Variants in ACSS3 observed in about 807,000 individuals in gnomAD.
The protein encoded by ACSS3 is acyl-CoA synthetase short-chain family member 3, mitochondrial.
ACSS3 carries 64 observed loss-of-function variants against 84.2 expected under a neutral mutation model. The observed-to-expected ratio is 0.76, with a 90% CI of 0.62 to 0.94. The LOEUF is 0.94. ACSS3 is among the 40% of genes least tolerant of loss of function. The probability of loss-of-function intolerance (pLI) is 0.00; values close to 1 mark genes in which losing one functional copy is unlikely to be tolerated. For missense variants in ACSS3, 815 were observed against 867.6 expected, an observed-to-expected ratio of 0.94 and a Z score of 0.76; for synonymous variants, 317 against 310.1, an observed-to-expected ratio of 1.02 and a Z score of -0.23.
rs1054552519 is a variant in ACSS3 at position 81,224,538 on chromosome 12, A to C, written c.1514+4462A>C. 1.4e-4 allele frequency among the ~76,000 whole-genome samples: 21 copies of C among 145,450 alleles called. No individual in the cohort carries two copies. In the Admixed American group the frequency reaches 1.5e-3, roughly 10 times the overall value. ...ATCACATGTTTACATATATATATGCATATACATACATACATATATATATAC... is the reference window on the plus strand; with the variant it reads ...ATCACATGTTTACATATATATATGCCTATACATACATACATATATATATAC... On this transcript the variant is annotated intron_variant, in intron 11 of 15. Coordinates refer to ENST00000548058, the MANE Select transcript of ACSS3 (RefSeq NM_024560.4).
intron 5 of ACSS3, among the ~76,000 whole-genome samples, chr12:81,145,925 A>G (rs1886318612): frequency 6.6e-6 from 1 of 152,214 alleles, no homozygotes; most frequent in South Asian, 2.1e-4. Context: ...TAACACATAC[A>G]GAATGGCAAA....
At chr12:81,254,710 T>A in intron 15 of ACSS3, 147 bp from the exon 16 acceptor site, 1 of 557,040 alleles carries the variant, frequency 1.8e-6, no homozygotes, top group East Asian at 3.2e-5. Context: ...TATTAATATA[T>A]TAGGTTCAAA....
Position 81,253,379 on chromosome 12 carries a change from C to T in ACSS3, c.1792C>T (p.Pro598Ser). Residue 598 changes from proline to serine, a missense_variant, in exon 14 of 16, where the codon CCC becomes TCC. Transcript: ENST00000548058. The stretch of plus-strand genomic sequence containing the variant: ...GGAAGATCCCTTAAAAGGTCATGTC[C>T]CCTTAGCACTCTGTGTATTGAGAAA... ...GKEDPLKGHV[P>S]LALCVLRKDI... The T allele has an allele frequency of 6.2e-7, 1 of 1,613,892 alleles. No individual in the cohort carries two copies. The highest frequency in any genetic ancestry group is 8.5e-7 in the Non-Finnish European group (1 of 1,179,874).
intron 2 of ACSS3, among the ~76,000 whole-genome samples, chr12:81,134,141 G>A (rs1487210117): frequency 1.3e-5 from 2 of 151,612 alleles, no homozygotes; most frequent in African/African-American, 4.9e-5. Context: ...AATAATTAGT[G>A]TAAAAAAAAA....
At chr12:81,135,273 TATATA>T (rs988764159) in intron 3 of ACSS3, among the ~76,000 whole-genome samples, 1 of 135,262 alleles carries the variant, frequency 7.4e-6, no homozygotes, top group African/African-American at 3.1e-5. Context: ...AAATGTGATA[TATATA>T]ATATATTATA....
At chr12:81,212,642 A>G (rs1175873329) in intron 9 of ACSS3, among the ~76,000 whole-genome samples, 1 of 152,196 alleles carries the variant, frequency 6.6e-6, no homozygotes, top group African/African-American at 2.4e-5. Context: ...GAATAAATGC[A>G]ATTATATAGA....
chr12:81,120,505 G>A (rs566824655), intron 2 of ACSS3, among the ~76,000 whole-genome samples: 1 of 152,202 alleles, frequency 6.6e-6, no homozygotes, highest in South Asian at 2.1e-4. Flanking sequence ...AACAAGTAGA[G>A]GATAAAGCTA....
At chr12:81,207,717 T>G (rs1439945315) in intron 9 of ACSS3, among the ~76,000 whole-genome samples, 1 of 152,134 alleles carries the variant, frequency 6.6e-6, no homozygotes, top group Non-Finnish European at 1.5e-5. Flanking sequence ...AGATTTTACT[T>G]TCCTTGAGTC....
intron 7 of ACSS3, chr12:81,174,560 A>G: frequency 2.7e-6 from 1 of 374,976 alleles, no homozygotes; most frequent in Non-Finnish European, 4.7e-6. Flanking sequence ...GATGAAGAAA[A>G]AATTGTAATT....
intron 4 of ACSS3, among the ~76,000 whole-genome samples, chr12:81,139,652 T>TTTG (rs1885990719): frequency 6.7e-6 from 1 of 149,014 alleles, no homozygotes; most frequent in Non-Finnish European, 1.5e-5. Flanking sequence ...GTTATTTTTT[T>TTTG]TTGAGACAGA....
intron 9 of ACSS3, among the ~76,000 whole-genome samples, chr12:81,211,344 C>A (rs1024147525): frequency 6.6e-6 from 1 of 152,090 alleles, no homozygotes; most frequent in Non-Finnish European, 1.5e-5. Context: ...GATATACAGG[C>A]ATGCAGTACG....
At chr12:81,184,132 G>A (rs1326288820) in intron 8 of ACSS3, among the ~76,000 whole-genome samples, 2 of 151,900 alleles carry the variant, frequency 1.3e-5, no homozygotes, top group African/African-American at 4.8e-5. Flanking sequence ...GTTAATAACT[G>A]GAGTAATCTT....
rs182661177 is a variant in ACSS3, at chr12:81,194,523, A to C, written c.1251-4818A>C. ...TCTCACAATTTTTCCTTTGCATTCA[A>C]TAAATAGTAAAGTGATTTTAATGGA... On this transcript the variant is annotated intron_variant, in intron 8 of 15. Transcript: ENST00000548058. Among the ~76,000 whole-genome samples the C allele has an allele frequency of 2.3e-3, 353 of 152,090 alleles. 1 individual carries two copies. Among genetic ancestry groups the C allele is most frequent in the African/African-American group, 7.9e-3 (330 of 41,564 alleles).
chr12:81,136,258 G>A (rs543826764), intron 3 of ACSS3, among the ~76,000 whole-genome samples: 1 of 152,222 alleles, frequency 6.6e-6, no homozygotes, highest in Non-Finnish European at 1.5e-5. Context: ...TAGTGCAGGA[G>A]TTAGAAAAAT....
intron 2 of ACSS3, among the ~76,000 whole-genome samples, chr12:81,129,333 GA>G (rs71098122): frequency 0.38 from 56,954 of 151,634 alleles, 11,205 homozygotes; most frequent in Admixed American, 0.5. Context: ...AACTCAGAAT[GA>G]AAAAAAATGC....
Position 81,259,501 on chromosome 12 carries a change from T to C in ACSS3, c.*4579T>C. 1.3e-6 allele frequency: 1 copy of C among 779,582 alleles called. No homozygotes were observed. The highest frequency in any genetic ancestry group is 2.1e-6 in the Non-Finnish European group (1 of 474,060). 48.3% of individuals were successfully genotyped at this position (779,582 alleles called of 1,614,324 possible). A position where few individuals can be genotyped will look rare whatever the true frequency, so the allele number is the denominator to read the frequency against. On this transcript the variant is annotated 3_prime_UTR_variant, in exon 16 of 16. Coordinates refer to ENST00000548058, the MANE Select transcript of ACSS3 (RefSeq NM_024560.4). ...TTTATTACAATTTGTAGTAAACTAATCAAATGTAATATCTGACTCCCCCCA... is the reference window on the plus strand; with the variant it reads ...TTTATTACAATTTGTAGTAAACTAACCAAATGTAATATCTGACTCCCCCCA...
chr12:81,179,289 AGAAAAAG>A (rs2030737233), intron 8 of ACSS3, among the ~76,000 whole-genome samples: 7 of 135,772 alleles, frequency 5.2e-5, no homozygotes, highest in African/African-American at 7.9e-5. Context: ...AAAAAAAAAA[AGAAAAAG>A]AAAAAAAAAA....
At chr12:81,092,351 C>T (rs1293122532) in intron 1 of ACSS3, among the ~76,000 whole-genome samples, 2 of 152,010 alleles carry the variant, frequency 1.3e-5, no homozygotes, top group Non-Finnish European at 2.9e-5. Context: ...AGTAAAATAG[C>T]ATTCGTTTTC....
chr12:81,157,045 A>C (rs1435963), intron 7 of ACSS3, among the ~76,000 whole-genome samples: 31,228 of 152,074 alleles, frequency 0.21, 3,499 homozygotes, highest in East Asian at 0.4. Flanking sequence ...GACAAAAAAA[A>C]ATACTACAAA....
Sources: allele counts gnomAD v4.1 joint callset (sites outside exome capture counted in the v4.1 genomes callset), GRCh38; gene constraint gnomAD v4.1.1; transcripts MANE v1.5; gene names NCBI Gene and HGNC (gene_info 2026-07-23, HGNC 2026-07-21).